CECR2: variants seen among roughly 807,000 people sequenced by gnomAD.
CECR2 encodes CECR2 histone acetyl-lysine reader.
CECR2 carries 30 observed loss-of-function variants against 154.5 expected under a neutral mutation model. The observed-to-expected ratio is 0.19, with a 90% CI of 0.15 to 0.26. The LOEUF (loss-of-function observed/expected upper bound fraction) is 0.26. CECR2 is among the 10% of genes least tolerant of loss of function. The pLI is 1.00. For synonymous variants in CECR2, 725 were observed against 683.7 expected, an observed-to-expected ratio of 1.06 and a Z score of -0.94; for missense variants, 1,743 against 1,829.3, an observed-to-expected ratio of 0.95 and a Z score of 0.86.
At chr22:17,418,795 C>A in intron 1 of CECR2, 1 of 239,104 alleles carries the variant, frequency 4.2e-6, no homozygotes, top group South Asian at 1.1e-4. Flanking sequence ...GACAGCAGCT[C>A]TGTGTTCTTC....
At chr22:17,401,844 G>A (rs868633992) in intron 1 of CECR2, among the ~76,000 whole-genome samples, 48 of 80,792 alleles carry the variant, frequency 5.9e-4, no homozygotes, top group African/African-American at 2.7e-3. Context: ...CCCCGCCCCC[G>A]CTGCCTTTTT....
intron 1 of CECR2, among the ~76,000 whole-genome samples, chr22:17,462,802 A>C (rs1242644807): frequency 6.6e-6 from 1 of 152,100 alleles, no homozygotes; most frequent in Non-Finnish European, 1.5e-5. Flanking sequence ...AATCCCATCT[A>C]CTCAGAAGGC....
At position 17,425,187 on chromosome 22, in the gene CECR2, G is replaced by A. The variant is rs555119104; in HGVS notation, c.127-52401G>A. Among the ~76,000 whole-genome samples, 12 of 151,944 alleles carry A rather than the reference G, an allele frequency of 7.9e-5. No homozygotes were observed. The South Asian group carries it at 8.3e-4, about 11-fold the overall frequency. Reference sequence around the variant, plus strand: ...GAATGTGGTTGCTTCTCCTTTTAGCGTCCAAGTGTAGTGTGGTATGGTCTT... The same window carrying A: ...GAATGTGGTTGCTTCTCCTTTTAGCATCCAAGTGTAGTGTGGTATGGTCTT... On this transcript the variant is annotated intron_variant, in intron 1 of 18. Transcript: ENST00000262608.
In CECR2 at chr22:17,502,165, G is replaced by A. The variant is rs375156872; in HGVS notation, c.651-917G>A. Reference sequence around the variant, plus strand: ...TGCATTTTGTCATTTAATCTCCAACGTCCCTGTGAGGTAGGCACTATTAAT... The same window carrying A: ...TGCATTTTGTCATTTAATCTCCAACATCCCTGTGAGGTAGGCACTATTAAT... On this transcript the variant is annotated intron_variant, in intron 5 of 18. Transcript: ENST00000262608. Among the ~76,000 whole-genome samples the A allele has an allele frequency of 1.9e-4, 29 of 152,178 alleles. No homozygotes were observed. The East Asian group carries it at 2.1e-3, about 11-fold the overall frequency.
chr22:17,451,492 T>TA (rs2146700740), intron 1 of CECR2, among the ~76,000 whole-genome samples: 1 of 152,248 alleles, frequency 6.6e-6, no homozygotes, highest in East Asian at 1.9e-4. Flanking sequence ...TTAGTGCCTC[T>TA]CTGGGCCTGA....
At chr22:17,499,298 C>A in intron 3 of CECR2, 112 bp from the exon 4 acceptor site, 1 of 1,334,272 alleles carries the variant, frequency 7.5e-7, no homozygotes, top group Non-Finnish European at 1.0e-6. Context: ...GATACTTGGG[C>A]ATTTTTAGAT....
chr22:17,414,121 T>G (rs188508731), intron 1 of CECR2, among the ~76,000 whole-genome samples: 3 of 151,832 alleles, frequency 2.0e-5, no homozygotes, highest in African/African-American at 4.8e-5. Flanking sequence ...TACAGGTGCC[T>G]GCCACCACGC....
chr22:17,477,059 GGCATCCCAAAAT>G (rs1194445249), intron 1 of CECR2: 1 of 712,150 alleles, frequency 1.4e-6, no homozygotes, highest in Non-Finnish European at 2.6e-6. Flanking sequence ...ATGTAGGTGT[GGCATCCCAAAAT>G]AAAAATTGTC....
At chr22:17,523,399 G>C (rs1437167612) in intron 8 of CECR2, among the ~76,000 whole-genome samples, 2 of 151,050 alleles carry the variant, frequency 1.3e-5, no homozygotes, top group Non-Finnish European at 3.0e-5. Context: ...AAGGAACTGT[G>C]TTCTGTTGAG....
chr22:17,413,596 C>G (rs1479669451), intron 1 of CECR2, among the ~76,000 whole-genome samples: 1 of 152,078 alleles, frequency 6.6e-6, no homozygotes, highest in African/African-American at 2.4e-5. Flanking sequence ...GCCTGCTCGC[C>G]AAACTATTCT....
chr22:17,499,579 C>G, intron 4 of CECR2, 30 bp downstream of exon 4: 1 of 1,567,566 alleles, frequency 6.4e-7, no homozygotes. Context: ...GGCATGATAG[C>G]TACTGTATTA....
At chr22:17,399,567 G>A (rs1267217800) in intron 1 of CECR2, among the ~76,000 whole-genome samples, 10 of 151,938 alleles carry the variant, frequency 6.6e-5, no homozygotes, top group African/African-American at 2.2e-4. Flanking sequence ...ACAGGCACGC[G>A]CCACCATGCC....
At chr22:17,510,009 T>C (rs1485554646) in intron 7 of CECR2, among the ~76,000 whole-genome samples, 2 of 152,232 alleles carry the variant, frequency 1.3e-5, no homozygotes, top group Non-Finnish European at 2.9e-5. Flanking sequence ...TAAAAGGCGA[T>C]GTAGATACTG....
intron 2 of CECR2, among the ~76,000 whole-genome samples, chr22:17,490,641 G>A (rs1441171376): frequency 6.6e-6 from 1 of 151,756 alleles, no homozygotes; most frequent in Non-Finnish European, 1.5e-5. Context: ...AGTAGAGACA[G>A]GGTTTCACCA....
rs1473701465 is a variant in CECR2, at chr22:17,401,828, A to ACT, written c.126+31920_126+31921insTC. Among the ~76,000 whole-genome samples, 6 of 114,244 alleles carry ACT rather than the reference A, an allele frequency of 5.3e-5. No homozygotes were observed. In the South Asian group the frequency reaches 9.7e-4, roughly 18 times the overall value. 74.9% of individuals were successfully genotyped at this position (114,244 alleles called of 152,430 possible). A position where few individuals can be genotyped will look rare whatever the true frequency, so the allele number is the denominator to read the frequency against. ...GTCATATGGTAGGTGAATATTTAACACCCCCCCCCGCCCCCGCTGCCTTTT... is the reference window on the plus strand; with the variant it reads ...GTCATATGGTAGGTGAATATTTAACACTCCCCCCCCCGCCCCCGCTGCCTTTT... On this transcript the variant is annotated intron_variant, in intron 1 of 18. Coordinates refer to ENST00000262608, the MANE Select transcript of CECR2 (RefSeq NM_001290047.2).
At chr22:17,429,271 T>TA (rs1315529532) in intron 1 of CECR2, among the ~76,000 whole-genome samples, 1 of 151,940 alleles carries the variant, frequency 6.6e-6, no homozygotes, top group Non-Finnish European at 1.5e-5. Flanking sequence ...AGGGAACTAA[T>TA]AGATTGGAAG....
intron 1 of CECR2, among the ~76,000 whole-genome samples, chr22:17,440,151 G>A (rs2054562985): frequency 6.6e-6 from 1 of 151,908 alleles, no homozygotes; most frequent in Non-Finnish European, 1.5e-5. Flanking sequence ...AAAGAAAATT[G>A]TATACAAACA....
At chr22:17,461,690 T>G (rs909982990) in intron 1 of CECR2, among the ~76,000 whole-genome samples, 2 of 152,194 alleles carry the variant, frequency 1.3e-5, no homozygotes, top group Non-Finnish European at 2.9e-5. Context: ...TTCCAGATGT[T>G]TCCCATGTTT....
At chr22:17,507,596 G>C (rs2055870322) in intron 7 of CECR2, among the ~76,000 whole-genome samples, 1 of 151,842 alleles carries the variant, frequency 6.6e-6, no homozygotes, top group Non-Finnish European at 1.5e-5. Flanking sequence ...GGGGATAGAA[G>C]AATTAAGGGG....
Sources: gnomAD v4.1 joint callset for allele counts (sites outside exome capture counted in the v4.1 genomes callset) on GRCh38, gnomAD v4.1.1 for gene constraint, MANE v1.5 for transcripts, NCBI Gene and HGNC (gene_info 2026-07-23, HGNC 2026-07-21) for gene names.